The following KYAT1 variants were observed in gnomAD, a reference collection of about 807,000 sequenced individuals.
KYAT1 encodes kynurenine aminotransferase 1.
Under a neutral mutation model 52.4 loss-of-function variants are expected in KYAT1, and 47 were observed. The observed-to-expected ratio is 0.90, with a 90% confidence interval of 0.71 to 1.14. The LOEUF (loss-of-function observed/expected upper bound fraction) is 1.14. KYAT1 is among the 50% of genes most tolerant of loss of function. The pLI is 0.00. For synonymous variants in KYAT1, 212 were observed against 209.6 expected (o/e 1.01, Z -0.10); for missense variants, 480 against 557.9 (o/e 0.86, Z 1.41).
At chr9:128,836,969 C>G in intron 6 of KYAT1, 47 bp from the exon 7 acceptor site, 1 of 1,592,994 alleles carries the variant, frequency 6.3e-7, no homozygotes, top group Non-Finnish European at 8.5e-7. Context: ...GGACCGTCCC[C>G]AAACACAGAG....
intron 1 of KYAT1, among the ~76,000 whole-genome samples, chr9:128,862,541 A>G (rs565054399): frequency 1.3e-3 from 204 of 152,362 alleles, no homozygotes; most frequent in Non-Finnish European, 2.5e-3. Flanking sequence ...AACAGATCCC[A>G]GCTGTGGCCC....
At chr9:128,880,439 G>A (rs1040902435) in intron 1 of KYAT1, among the ~76,000 whole-genome samples, 4 of 150,718 alleles carry the variant, frequency 2.7e-5, no homozygotes, top group African/African-American at 9.9e-5. Flanking sequence ...CCACTTCCTG[G>A]CTATGATTTT....
At chr9:128,882,149 G>A (rs1017820842), upstream of KYAT1, 4 of 152,382 alleles carry the variant, frequency 2.6e-5, no homozygotes, top group South Asian at 4.1e-4. Context: ...TGCAGTGAGG[G>A]ACAAACAAAA....
At chr9:128,874,911 G>T (rs13294848) in intron 1 of KYAT1, among the ~76,000 whole-genome samples, 1 of 151,650 alleles carries the variant, frequency 6.6e-6, no homozygotes, top group East Asian at 2.0e-4. Flanking sequence ...TTTTAGTAGG[G>T]ATGGGGTTTC....
chr9:128,871,835 A>T (rs891349572), intron 1 of KYAT1, among the ~76,000 whole-genome samples: 3 of 152,178 alleles, frequency 2.0e-5, no homozygotes, highest in African/African-American at 7.2e-5. Flanking sequence ...CATTATAAAA[A>T]TGACCATGTT....
chr9:128,868,477 G>A (rs949966056), intron 1 of KYAT1, among the ~76,000 whole-genome samples: 10 of 151,972 alleles, frequency 6.6e-5, no homozygotes, highest in Admixed American at 6.6e-5. Flanking sequence ...CTGTAGCCTC[G>A]ACATCCTGAG....
chr9:128,839,803 A>G (rs1320166370), intron 3 of KYAT1, among the ~76,000 whole-genome samples: 2 of 152,238 alleles, frequency 1.3e-5, no homozygotes, highest in African/African-American at 4.8e-5. Flanking sequence ...CTGTAATCCT[A>G]GCATTTGGGA....
chr9:128,842,550 C>G, intron 3 of KYAT1, 104 bp downstream of exon 3: 1 of 1,158,526 alleles, frequency 8.6e-7, no homozygotes, highest in Non-Finnish European at 1.2e-6. Context: ...ATACAGAATC[C>G]CCTGGCTCTG....
chr9:128,833,787 G>C lies in KYAT1; in HGVS notation c.1162C>G (p.Pro388Ala), dbSNP rs191552766. 6.2e-6 allele frequency: 10 copies of C among 1,614,198 alleles called. No individual in the cohort carries two copies. In the Admixed American group the frequency reaches 1.2e-4, roughly 19 times the overall value. ...TAGTGGTCAAAGTGCTTCTGATGTG[G>C]CACACTATAGAAGATGGAGACAGGG... is the stretch of plus-strand genomic sequence containing the variant. ...AIPVSIFYSV[P>A]HQKHFDHYIR... Residue 388 changes from proline to alanine, a missense_variant, in exon 12 of 13, where the codon CCA (proline) becomes GCA (alanine). Transcript: ENST00000302586.
chr9:128,847,068 GC>G (rs768167923), intron 1 of KYAT1, among the ~76,000 whole-genome samples: 1 of 152,094 alleles, frequency 6.6e-6, no homozygotes, highest in South Asian at 2.1e-4. Context: ...TCAACACCAG[GC>G]CCCCCTGTCC....
intron 1 of KYAT1, chr9:128,847,645 TAAC>T: frequency 1.7e-6 from 1 of 574,280 alleles, no homozygotes; most frequent in Non-Finnish European, 3.0e-6. Flanking sequence ...CACACAGCTC[TAAC>T]AATAACAACA....
At chr9:128,844,691 C>T (rs909452669) in intron 2 of KYAT1, among the ~76,000 whole-genome samples, 1 of 146,294 alleles carries the variant, frequency 6.8e-6, no homozygotes, top group African/African-American at 2.6e-5. Context: ...TTCTGTCTTG[C>T]GGGGGAAAAG....
At chr9:128,850,184 C>A (rs1441760784) in intron 1 of KYAT1, among the ~76,000 whole-genome samples, 3 of 152,064 alleles carry the variant, frequency 2.0e-5, no homozygotes, top group Non-Finnish European at 4.4e-5. Context: ...CCATGCCTGG[C>A]CAGCCCAGGC....
At position 128,865,342 on chromosome 9, in the gene KYAT1, TA is replaced by T. The variant is rs1564491727; in HGVS notation, c.-7+16554del. On this transcript the variant is annotated intron_variant, in intron 1 of 12. Coordinates refer to ENST00000302586, the MANE Select transcript of KYAT1 (RefSeq NM_004059.5). ...ATATATATATATATATATATATATA[TA>T]TATATATATATATATATTTTTTTTT... Among the ~76,000 whole-genome samples the T allele has an allele frequency of 5.5e-3, 35 of 6,382 alleles. 6 individuals carry two copies. The highest frequency in any genetic ancestry group is 0.045 in the South Asian group (8 of 178). 4.2% of individuals were successfully genotyped at this position (6,382 alleles called of 152,430 possible). A position where few individuals can be genotyped will look rare whatever the true frequency, so the allele number is the denominator to read the frequency against.
At chr9:128,833,880 G>T in intron 11 of KYAT1, 54 bp from the exon 12 acceptor site, 1 of 1,456,374 alleles carries the variant, frequency 6.9e-7, no homozygotes, top group South Asian at 1.2e-5. Context: ...AGCAGGCCTT[G>T]GCTCCGGAGG....
At chr9:128,880,655 GA>G (rs1474854878) in intron 1 of KYAT1, among the ~76,000 whole-genome samples, 2 of 152,070 alleles carry the variant, frequency 1.3e-5, no homozygotes, top group Admixed American at 6.6e-5. Flanking sequence ...TGTTAGCCAG[GA>G]TGGTCTCGAT....
At chr9:128,862,984 C>T (rs1835670845) in intron 1 of KYAT1, among the ~76,000 whole-genome samples, 1 of 151,984 alleles carries the variant, frequency 6.6e-6, no homozygotes, top group East Asian at 1.9e-4. Context: ...GCTACCATGC[C>T]CGGCTAATTT....
At position 128,833,508 on chromosome 9, in the gene KYAT1, C is replaced by T; in HGVS notation, c.*76G>A. On this transcript the variant is annotated 3_prime_UTR_variant, in exon 13 of 13. Coordinates refer to ENST00000302586, the MANE Select transcript of KYAT1 (RefSeq NM_004059.5). ...TTCCCCAACCTAGAAATGTCTGAAA[C>T]CTGGACAAAGACAGACACTCAAAGA... 7 of 1,452,032 alleles carry T rather than the reference C, an allele frequency of 4.8e-6. No individual in the cohort carries two copies. The South Asian group carries it at 8.0e-5, about 17-fold the overall frequency. 89.9% of individuals were successfully genotyped at this position (1,452,032 alleles called of 1,614,324 possible).
chr9:128,838,413 T>G (rs1831531829), intron 3 of KYAT1, 46 bp from the exon 4 acceptor site: 1 of 1,610,660 alleles, frequency 6.2e-7, no homozygotes, highest in Non-Finnish European at 8.5e-7. Flanking sequence ...CCTGGGCCCA[T>G]CCTCCGGCCC....
Sources: gnomAD v4.1 joint callset for allele counts (sites outside exome capture counted in the v4.1 genomes callset) on GRCh38, gnomAD v4.1.1 for gene constraint, MANE v1.5 for transcripts, NCBI Gene and HGNC (gene_info 2026-07-23, HGNC 2026-07-21) for gene names.